MYOM2: variants seen among roughly 807,000 people sequenced by gnomAD.
MYOM2 encodes myomesin 2.
In MYOM2, 254 loss-of-function variants were observed where a neutral mutation model predicts 187.6. The observed-to-expected ratio is 1.35, with a 90% CI of 1.22 to 1.50. MYOM2 has a LOEUF of 1.50. Among genes scored for constraint, MYOM2 ranks in the 40% most tolerant of loss-of-function variants. MYOM2 has a pLI of 0.00. For synonymous variants in MYOM2, 981 were observed against 753.8 expected (o/e 1.30, Z -4.94); for missense variants, 2,796 against 1,924.0 (o/e 1.45, Z -8.48).
At chr8:2,110,347 T>C (rs1313719102) in intron 25 of MYOM2, among the ~76,000 whole-genome samples, 3 of 152,176 alleles carry the variant, frequency 2.0e-5, no homozygotes, top group African/African-American at 4.8e-5. Context: ...AAAAGGCACA[T>C]GCTCTGTCAC....
intron 8 of MYOM2, among the ~76,000 whole-genome samples, chr8:2,071,131 C>G (rs1167935706): frequency 6.6e-6 from 1 of 151,920 alleles, no homozygotes; most frequent in Non-Finnish European, 1.5e-5. Context: ...CCAAACCCGG[C>G]TCGTTTTTTC....
At position 2,115,264 on chromosome 8, in the gene MYOM2, G is replaced by T. The variant is rs545666578; in HGVS notation, c.3181-696G>T. Among the ~76,000 whole-genome samples, 39 of 151,994 alleles carry T rather than the reference G, an allele frequency of 2.6e-4. 2 individuals carry two copies. Among genetic ancestry groups the T allele is most frequent in the African/African-American group, 9.2e-4 (38 of 41,476 alleles). Reference sequence around the variant, plus strand: ...TTTAGTGAAGTTAAAAAGTTAATAAGTAAACATCACAAAATCAGAGGGAAA... The same window carrying T: ...TTTAGTGAAGTTAAAAAGTTAATAATTAAACATCACAAAATCAGAGGGAAA... On this transcript the variant is annotated intron_variant, in intron 25 of 36. Transcript: ENST00000262113.
chr8:2,083,048 G>A (rs1266449701), intron 13 of MYOM2, among the ~76,000 whole-genome samples: 1 of 152,084 alleles, frequency 6.6e-6, no homozygotes, highest in African/African-American at 2.4e-5. Flanking sequence ...TTAAGTGGAG[G>A]AAACCAATAG....
rs925574535 is a variant in MYOM2 at position 2,101,158 on chromosome 8, C to G, written c.2619+104C>G. The G allele has an allele frequency of 8.4e-5, 97 of 1,159,646 alleles. No homozygotes were observed. In the African/African-American group the frequency reaches 1.1e-3, roughly 13 times the overall value. The allele number at this position is 1,159,646 out of a possible 1,614,324, so 71.8% of individuals were successfully genotyped here. A position where few individuals can be genotyped will look rare whatever the true frequency, so the allele number is the denominator to read the frequency against. Reference sequence around the variant, plus strand: ...GTCAGGAGTTCGAAACCAGCCTGGCCAACATGGAGAAGCCCCGTCTCTACT... The same window carrying G: ...GTCAGGAGTTCGAAACCAGCCTGGCGAACATGGAGAAGCCCCGTCTCTACT... On this transcript the variant is annotated intron_variant, in intron 20 of 36. Coordinates refer to ENST00000262113, the MANE Select transcript of MYOM2 (RefSeq NM_003970.4).
rs1378377746 is a variant in MYOM2 at position 2,078,782 on chromosome 8, G to A, written c.1311G>A (p.Val437=). The A allele has an allele frequency of 1.9e-6, 3 of 1,614,180 alleles. No individual in the cohort carries two copies. Among genetic ancestry groups the A allele is most frequent in the Middle Eastern group, 1.6e-4 (1 of 6,062 alleles). ...NNWVQCNDAP[V]KICKYPVTGL... is the part of the protein sequence containing the mutation. ...GGGTGCAGTGCAATGATGCACCGGT[G>A]AAAATCTGCAAATACCCGGTCACAG... The change falls in exon 12 of 37, where the codon GTG becomes GTA. Residue 437 remains valine (V), a synonymous_variant. Coordinates refer to ENST00000262113, the MANE Select transcript of MYOM2 (RefSeq NM_003970.4).
chr8:2,115,268 A>G (rs1484176306), intron 25 of MYOM2, among the ~76,000 whole-genome samples: 1 of 152,180 alleles, frequency 6.6e-6, no homozygotes, highest in Non-Finnish European at 1.5e-5. Flanking sequence ...TAATAAGTAA[A>G]CATCACAAAA....
In MYOM2 at chr8:2,091,655, C is replaced by T. The variant is rs548051207; in HGVS notation, c.1829-691C>T. On this transcript the variant is annotated intron_variant, in intron 15 of 36. Coordinates refer to ENST00000262113, the MANE Select transcript of MYOM2 (RefSeq NM_003970.4). The stretch of plus-strand genomic sequence containing the variant: ...CTCCAGGGCATCCTCAAGTTTCTAT[C>T]TGGCTCTGGTTTTAACTGAAGCTCT... Among the ~76,000 whole-genome samples the T allele has an allele frequency of 2.0e-5, 3 of 152,346 alleles. No individual in the cohort carries two copies. The East Asian group carries it at 5.8e-4, about 29-fold the overall frequency.
At chr8:2,052,012 C>G (rs1188976313) in intron 2 of MYOM2, 146 bp from the exon 3 acceptor site, 3 of 937,386 alleles carry the variant, frequency 3.2e-6, no homozygotes, top group Non-Finnish European at 3.3e-6. Context: ...GTGCATGCCT[C>G]TCATATGCCT....
At chr8:2,075,177 C>T (rs1819375603) in intron 10 of MYOM2, among the ~76,000 whole-genome samples, 1 of 152,198 alleles carries the variant, frequency 6.6e-6, no homozygotes, top group South Asian at 2.1e-4. Flanking sequence ...CACACGATAG[C>T]CTGAGCTTGC....
intron 36 of MYOM2, 119 bp from the exon 37 acceptor site, chr8:2,144,545 C>G (rs1798387991): frequency 2.8e-6 from 3 of 1,057,944 alleles, no homozygotes; most frequent in East Asian, 2.4e-5. Flanking sequence ...TGTTTCTAAA[C>G]AAACGATTGA....
intron 8 of MYOM2, among the ~76,000 whole-genome samples, chr8:2,070,123 G>A (rs1162955336): frequency 6.6e-6 from 1 of 152,228 alleles, no homozygotes. Flanking sequence ...TGGGTGAGGT[G>A]AGGCGGTCCC....
At chr8:2,102,595 T>G (rs1796744932) in intron 20 of MYOM2, 72 bp from the exon 21 acceptor site, 1 of 1,030,844 alleles carries the variant, frequency 9.7e-7, no homozygotes, top group East Asian at 2.5e-5. Context: ...CTATTCACAA[T>G]AAAATGTGAA....
intron 27 of MYOM2, 115 bp downstream of exon 27, chr8:2,116,390 A>C (rs186382089): frequency 9.8e-7 from 1 of 1,020,284 alleles, no homozygotes; most frequent in Admixed American, 2.8e-5. Context: ...GGCTGTTTTA[A>C]ATGATTAAGA....
chr8:2,059,811 C>T (rs1384729246), intron 6 of MYOM2, among the ~76,000 whole-genome samples: 2 of 146,858 alleles, frequency 1.4e-5, no homozygotes, highest in Admixed American at 7.0e-5. Context: ...GGCATGGTCT[C>T]GGCTCACCAC....
intron 6 of MYOM2, among the ~76,000 whole-genome samples, chr8:2,060,549 C>A (rs1004414872): frequency 5.3e-5 from 8 of 152,028 alleles, no homozygotes; most frequent in African/African-American, 1.9e-4. Context: ...TTGGAACATA[C>A]GATTTTATTG....
At chr8:2,132,958 C>G (rs1417505463) in intron 32 of MYOM2, among the ~76,000 whole-genome samples, 1 of 152,140 alleles carries the variant, frequency 6.6e-6, no homozygotes, top group Non-Finnish European at 1.5e-5. Flanking sequence ...GCCATGTCTA[C>G]AGTGGGAAGG....
chr8:2,076,047 G>C (rs1585858858), intron 10 of MYOM2, 94 bp from the exon 11 acceptor site: 2 of 1,224,384 alleles, frequency 1.6e-6, no homozygotes, highest in East Asian at 5.2e-5. Context: ...AAATCAAGGG[G>C]ATAGAATTGG....
intron 31 of MYOM2, among the ~76,000 whole-genome samples, chr8:2,124,447 C>T (rs544387974): frequency 8.5e-5 from 13 of 152,158 alleles, no homozygotes; most frequent in Non-Finnish European, 1.6e-4. Flanking sequence ...TCAGGTTGGG[C>T]GTCCTGATTA....
At chr8:2,137,114 C>T (rs1234702770) in intron 32 of MYOM2, among the ~76,000 whole-genome samples, 6 of 151,312 alleles carry the variant, frequency 4.0e-5, no homozygotes, top group Admixed American at 3.3e-4. Context: ...GTTTGAACAT[C>T]TTCGTCTATA....
Sources: allele counts gnomAD v4.1 joint callset (sites outside exome capture counted in the v4.1 genomes callset), GRCh38; gene constraint gnomAD v4.1.1; transcripts MANE v1.5; gene names NCBI Gene and HGNC (gene_info 2026-07-23, HGNC 2026-07-21).